CACNA1S: variants seen among roughly 807,000 people sequenced by gnomAD.
CACNA1S encodes the protein voltage-dependent L-type calcium channel subunit alpha-1S.
Under a neutral mutation model 207.4 loss-of-function variants are expected in CACNA1S, and 126 were observed. The observed-to-expected ratio is 0.61, with a 90% CI of 0.53 to 0.70. The LOEUF (loss-of-function observed/expected upper bound fraction) is 0.70. Ranked by LOEUF, CACNA1S falls within the 30% of genes least tolerant of loss-of-function variation. CACNA1S has a pLI of 0.00. For missense variants in CACNA1S, 2,349 were observed against 2,422.8 expected, an observed-to-expected ratio of 0.97 and a Z score of 0.64; for synonymous variants, 960 against 932.7, an observed-to-expected ratio of 1.03 and a Z score of -0.53.
chr1:201,089,413 C>A lies in CACNA1S; in HGVS notation c.745G>T (p.Gly249Cys). The A allele has an allele frequency of 6.2e-7, 1 of 1,614,206 alleles. No homozygotes were observed. Among genetic ancestry groups the A allele is most frequent in the Non-Finnish European group, 8.5e-7 (1 of 1,180,050 alleles). Residue 249 changes from glycine to cysteine, a missense_variant, in exon 6 of 44, where the codon GGC (glycine) becomes TGC (cysteine). Coordinates refer to ENST00000362061, the MANE Select transcript of CACNA1S (RefSeq NM_000069.3). ...TTGATGGTGCACCGGCGCCCTGAGC[C>A]CGTCCTGGCGCAGGGCGATGGCTCT... is the stretch of plus-strand genomic sequence containing the variant. Reference protein sequence around the residue: ...NEEPSPCARTGSGRRCTINGS... With the variant: ...NEEPSPCARTCSGRRCTINGS...
intron 40 of CACNA1S, 99 bp downstream of exon 40, chr1:201,043,182 C>T: frequency 6.6e-7 from 1 of 1,503,884 alleles, no homozygotes; most frequent in East Asian, 2.3e-5. Context: ...CAAAAGACAC[C>T]CTACAAATTT....
Position 201,066,686 on chromosome 1 carries a change from A to G in CACNA1S, c.2657+201T>C, listed in dbSNP as rs570837101. 2.6e-4 allele frequency among the ~76,000 whole-genome samples: 39 copies of G among 152,288 alleles called. No individual in the cohort carries two copies. The highest frequency in any genetic ancestry group is 5.3e-4 in the Non-Finnish European group (36 of 68,010). On this transcript the variant is annotated intron_variant, in intron 20 of 43. Coordinates refer to ENST00000362061, the MANE Select transcript of CACNA1S (RefSeq NM_000069.3). This position sits in a 1 kb window ranked among gnomAD's most constrained non-coding sequence, Gnocchi z 4.3. ...TCTGCATCTCCTGCCAGTCTCTAGA[A>G]CAGAGCGCTGCCCACTTCACTGGTG...
intron 10 of CACNA1S, among the ~76,000 whole-genome samples, chr1:201,080,779 C>G (rs734879): frequency 0.063 from 9,624 of 151,994 alleles, 394 homozygotes; most frequent in East Asian, 0.19. Context: ...ATTGTGATCT[C>G]ATCTTCAGGA....
rs67602696 is a variant in CACNA1S, at chr1:201,043,809, C to T, written c.4798-278G>A. On this transcript the variant is annotated intron_variant, in intron 39 of 43. Coordinates refer to ENST00000362061, the MANE Select transcript of CACNA1S (RefSeq NM_000069.3). ...TGGTGTAGGGGAGAGAGGGCTGAATCGGGAGTCTGCAGCACTGGGTTCTAG... is the reference window on the plus strand; with the variant it reads ...TGGTGTAGGGGAGAGAGGGCTGAATTGGGAGTCTGCAGCACTGGGTTCTAG... Among the ~76,000 whole-genome samples the T allele has an allele frequency of 0.18, 27,871 of 151,828 alleles. 3,445 individuals are homozygous for T. Among genetic ancestry groups the T allele is most frequent in the Non-Finnish European group, 0.28 (19,234 of 67,888 alleles).
intron 2 of CACNA1S, among the ~76,000 whole-genome samples, chr1:201,098,827 C>G (rs61353098): frequency 0.18 from 27,766 of 152,066 alleles, 2,862 homozygotes; most frequent in African/African-American, 0.27. Context: ...ACCTCACCCC[C>G]CAACAAGGGC....
intron 5 of CACNA1S, 74 bp from the exon 6 acceptor site, chr1:201,089,537 A>G: frequency 7.0e-7 from 1 of 1,428,244 alleles, no homozygotes; most frequent in South Asian, 1.2e-5. Flanking sequence ...GGTGTATAAG[A>G]GCAATTTAAG....
chr1:201,104,913 G>A (rs924144746), intron 2 of CACNA1S, among the ~76,000 whole-genome samples: 1 of 152,232 alleles, frequency 6.6e-6, no homozygotes, highest in Non-Finnish European at 1.5e-5. Context: ...TCTCTGCGCT[G>A]TGGTTTACTC....
chr1:201,084,453 A>C (rs1304910015), intron 9 of CACNA1S, among the ~76,000 whole-genome samples: 1 of 152,210 alleles, frequency 6.6e-6, no homozygotes, highest in Non-Finnish European at 1.5e-5. Context: ...AATCATAATT[A>C]AGTATGAATT....
chr1:201,081,260 T>C (rs780972342), intron 10 of CACNA1S, among the ~76,000 whole-genome samples: 5 of 152,244 alleles, frequency 3.3e-5, no homozygotes, highest in Non-Finnish European at 7.3e-5. Context: ...GGAAGTCAGT[T>C]CACAAGCTCG....
At chr1:201,074,656 G>A (rs988393624) in intron 13 of CACNA1S, 36 bp from the exon 14 acceptor site, 9 of 1,356,592 alleles carry the variant, frequency 6.6e-6, no homozygotes, top group Non-Finnish European at 7.4e-6. Context: ...TTGGTTGTAG[G>A]TGGAAGGGAG....
chr1:201,053,864 G>C lies in CACNA1S; in HGVS notation c.3667-277C>G, dbSNP rs868702488. 2.0e-5 allele frequency among the ~76,000 whole-genome samples: 3 copies of C among 152,244 alleles called. No homozygotes were observed. The highest frequency in any genetic ancestry group is 3.4e-3 in the Middle Eastern group (1 of 294). On this transcript the variant is annotated intron_variant, in intron 29 of 43. Coordinates refer to ENST00000362061, the MANE Select transcript of CACNA1S (RefSeq NM_000069.3). The surrounding 1 kb of genome is among the most constrained non-coding windows in gnomAD (Gnocchi z 5.1). ...AGCAGTGGCAGGGATTTGCCCTGGGGTGTGGCTGCACCCAGGCCCACTGCC... is the reference window on the plus strand; with the variant it reads ...AGCAGTGGCAGGGATTTGCCCTGGGCTGTGGCTGCACCCAGGCCCACTGCC...
At position 201,111,215 on chromosome 1, in the gene CACNA1S, C is replaced by T. The variant is rs569716134; in HGVS notation, c.153-946G>A. Reference sequence around the variant, plus strand: ...GTCAGGGGAACAGGGCTGACCCTGACCCCAAACTATCTCTACTTGCCCCAC... The same window carrying T: ...GTCAGGGGAACAGGGCTGACCCTGATCCCAAACTATCTCTACTTGCCCCAC... On this transcript the variant is annotated intron_variant, in intron 1 of 43. Coordinates refer to ENST00000362061, the MANE Select transcript of CACNA1S (RefSeq NM_000069.3). Among the ~76,000 whole-genome samples, 16 of 152,184 alleles carry T rather than the reference C, an allele frequency of 1.1e-4. 1 individual carries two copies. The South Asian group carries it at 2.1e-3, about 20-fold the overall frequency.
chr1:201,069,135 A>C lies in CACNA1S; in HGVS notation c.2550+2T>G. The C allele has an allele frequency of 6.2e-7, 1 of 1,613,796 alleles. No individual in the cohort carries two copies. Among genetic ancestry groups the C allele is most frequent in the Non-Finnish European group, 8.5e-7 (1 of 1,179,714 alleles). On this transcript the variant is annotated splice_donor_variant, in intron 19 of 43. Coordinates refer to ENST00000362061, the MANE Select transcript of CACNA1S (RefSeq NM_000069.3). LOFTEE classifies it high-confidence loss of function. ...CAGGGCTGCCCCACAGCCTTCACTC[A>C]CCTTGAGGACAATCTCCACAGTGAA...
At position 201,054,488 on chromosome 1, in the gene CACNA1S, G is replaced by C. The variant is rs372264339; in HGVS notation, c.3666+17C>G. On this transcript the variant is annotated intron_variant, in intron 29 of 43. Coordinates refer to ENST00000362061, the MANE Select transcript of CACNA1S (RefSeq NM_000069.3). ...GCTGGTGAGCGTGCCAGGCAGGCTC[G>C]TGCAGCCTGAAATTACAACGTTCCC... 2 of 1,611,082 alleles carry C rather than the reference G, an allele frequency of 1.2e-6. No individual in the cohort carries two copies. Among genetic ancestry groups the C allele is most frequent in the Middle Eastern group, 1.7e-4 (1 of 5,836 alleles).
In CACNA1S at chr1:201,069,214, G is replaced by A; in HGVS notation, c.2491-18C>T. On this transcript the variant is annotated intron_variant, in intron 18 of 43. Transcript: ENST00000362061. ...TTAAGGATCTGGGGACAGGGCAGGG[G>A]CGGGAGCAGCCAGTGAGAGGAGGAG... is the stretch of plus-strand genomic sequence containing the variant. The A allele has an allele frequency of 6.2e-7, 1 of 1,612,974 alleles. No individual in the cohort carries two copies. Among genetic ancestry groups the A allele is most frequent in the Non-Finnish European group, 8.5e-7 (1 of 1,178,954 alleles).
intron 27 of CACNA1S, among the ~76,000 whole-genome samples, chr1:201,058,963 A>G (rs1202245152): frequency 1.3e-5 from 2 of 152,216 alleles, no homozygotes; most frequent in African/African-American, 4.8e-5. Flanking sequence ...GAGAAGCTCC[A>G]AGGAAGAGGC....
At chr1:201,100,796 C>A (rs772702212) in intron 2 of CACNA1S, among the ~76,000 whole-genome samples, 7 of 152,072 alleles carry the variant, frequency 4.6e-5, no homozygotes, top group Non-Finnish European at 7.4e-5. Flanking sequence ...CGCTTATGAG[C>A]CCGGCCCTAT....
intron 22 of CACNA1S, 90 bp from the exon 23 acceptor site, chr1:201,062,604 G>C (rs1027061120): frequency 2.3e-5 from 26 of 1,124,764 alleles, no homozygotes; most frequent in Non-Finnish European, 3.2e-5. Flanking sequence ...CAGTGGAAGG[G>C]GGGAGGGAAG....
In CACNA1S at chr1:201,040,404, C is replaced by T. The variant is rs185041387; in HGVS notation, c.5227-30G>A. ...TCCAAAGGTACAAAAGCAAAGACCC[C>T]GACAGGGGTGCTGGAGCCCACCAAT... On this transcript the variant is annotated intron_variant, in intron 42 of 43. Coordinates refer to ENST00000362061, the MANE Select transcript of CACNA1S (RefSeq NM_000069.3). 652 of 1,610,346 alleles carry T rather than the reference C, an allele frequency of 4.0e-4. 6 individuals carry two copies. The South Asian group carries it at 4.1e-3, about 10-fold the overall frequency.
Sources: allele counts gnomAD v4.1 joint callset (sites outside exome capture counted in the v4.1 genomes callset), GRCh38; gene constraint gnomAD v4.1.1; non-coding constraint Gnocchi (gnomAD v3.1); transcripts MANE v1.5; gene names NCBI Gene and HGNC (gene_info 2026-07-23, HGNC 2026-07-21).